Variants in PADI6 observed in about 807,000 individuals in gnomAD.
PADI6 encodes peptidyl arginine deiminase 6.
PADI6 carries 66 observed loss-of-function variants against 78.2 expected under a neutral mutation model. The ratio of observed to expected loss-of-function variants is 0.84; its 90% CI spans 0.69 to 1.04. PADI6 has a LOEUF of 1.04. Ranked by LOEUF, PADI6 falls within the 50% of genes least tolerant of loss-of-function variation. The probability of loss-of-function intolerance (pLI) is 0.00; values close to 1 mark genes in which losing one functional copy is unlikely to be tolerated. For synonymous variants in PADI6, 397 were observed against 346.9 expected (o/e 1.14, Z -1.60); for missense variants, 854 against 866.1 (o/e 0.99, Z 0.18).
chr1:17,394,116 T>A, intron 10 of PADI6, 34 bp downstream of exon 10: 1 of 1,594,396 alleles, frequency 6.3e-7, no homozygotes, highest in African/African-American at 1.3e-5. Context: ...CTGAGCTCAG[T>A]CCAATCTCTC....
rs763141031 is a variant in PADI6 at position 17,382,069 on chromosome 1, A to C, written c.656A>C (p.Lys219Thr). Reference sequence around the variant, plus strand: ...CATACCTCCAAGGAAGAGTCGAAGAAGGCGAGAGTCTACTGGCCCCAAAGT... The same window carrying C: ...CATACCTCCAAGGAAGAGTCGAAGACGGCGAGAGTCTACTGGCCCCAAAGT... The part of the protein sequence containing the change: ...VLHTSKEESK[K>T]ARVYWPQKDN... Residue 219 changes from lysine to threonine, a missense_variant, in exon 6 of 16, where the codon AAG becomes ACG. Coordinates refer to ENST00000619609, the MANE Select transcript of PADI6 (RefSeq NM_207421.4). The C allele has an allele frequency of 6.2e-7, 1 of 1,613,986 alleles. No homozygotes were observed. The highest frequency in any genetic ancestry group is 2.2e-5 in the East Asian group (1 of 44,886).
rs1432225155 is a variant in PADI6, at chr1:17,372,269, C to T, written c.24C>T (p.Ala8=). 1.9e-6 allele frequency: 3 copies of T among 1,613,882 alleles called. No individual in the cohort carries two copies. The highest frequency in any genetic ancestry group is 1.1e-5 in the South Asian group (1 of 91,092). Reference sequence around the variant, plus strand: ...GGATGGTCAGCGTGGAGGGCCGAGCCATGTCCTTCCAGAGTATCATCCACC... The same window carrying T: ...GGATGGTCAGCGTGGAGGGCCGAGCTATGTCCTTCCAGAGTATCATCCACC... MVSVEGR[A]MSFQSIIHLS... Residue 8 remains alanine, a synonymous_variant, in exon 1 of 16, where the codon GCC becomes GCT. Transcript: ENST00000619609.
chr1:17,383,074 C>T (rs2075088462), intron 6 of PADI6, among the ~76,000 whole-genome samples: 1 of 152,238 alleles, frequency 6.6e-6, no homozygotes, highest in Non-Finnish European at 1.5e-5. Flanking sequence ...TGAGCTACTG[C>T]ACCCGGCCCA....
chr1:17,383,674 C>A (rs1184363662), intron 6 of PADI6, among the ~76,000 whole-genome samples: 1 of 151,640 alleles, frequency 6.6e-6, no homozygotes, highest in Non-Finnish European at 1.5e-5. Context: ...ATGGCGAAAC[C>A]CTGTCTCTAC....
At chr1:17,375,611 T>C (rs1255702065) in intron 3 of PADI6, 112 bp downstream of exon 3, 5 of 931,860 alleles carry the variant, frequency 5.4e-6, no homozygotes, top group Non-Finnish European at 8.1e-6. Flanking sequence ...AGATGCCTCC[T>C]GTGGGCCCCA....
intron 2 of PADI6, among the ~76,000 whole-genome samples, chr1:17,374,709 A>G (rs1019447597): frequency 6.6e-6 from 1 of 152,334 alleles, no homozygotes; most frequent in Non-Finnish European, 1.5e-5. Context: ...TTCTCTGCCC[A>G]GGGCTCGGCC....
At chr1:17,377,508 C>T (rs1225114679) in intron 3 of PADI6, among the ~76,000 whole-genome samples, 1 of 152,206 alleles carries the variant, frequency 6.6e-6, no homozygotes, top group Non-Finnish European at 1.5e-5. Flanking sequence ...TGGATATTGC[C>T]TACCCAGCAT....
intron 15 of PADI6, among the ~76,000 whole-genome samples, chr1:17,399,736 AAG>A (rs1491031108): frequency 1.3e-3 from 192 of 148,968 alleles, no homozygotes; most frequent in African/African-American, 4.2e-3. Flanking sequence ...CTTTAAAAAA[AAG>A]AAAAAAAAAA....
intron 2 of PADI6, 119 bp from the exon 3 acceptor site, chr1:17,375,308 T>G: frequency 7.7e-6 from 7 of 913,526 alleles, no homozygotes; most frequent in Non-Finnish European, 1.2e-5. Context: ...TAGGTGAGAC[T>G]TCAGAAGCCA....
intron 3 of PADI6, 66 bp from the exon 4 acceptor site, chr1:17,379,854 A>G (rs1048202801): frequency 1.4e-6 from 2 of 1,432,094 alleles, no homozygotes; most frequent in East Asian, 4.6e-5. Context: ...ACAGGAGATA[A>G]CCTATAACTT....
At chr1:17,400,271 T>G (rs1173882518) in intron 15 of PADI6, among the ~76,000 whole-genome samples, 1 of 151,622 alleles carries the variant, frequency 6.6e-6, no homozygotes, top group African/African-American at 2.4e-5. Context: ...CCCAGCACTT[T>G]GGGAGGCCCA....
intron 3 of PADI6, among the ~76,000 whole-genome samples, chr1:17,377,877 T>G (rs190551090): frequency 6.6e-6 from 1 of 152,332 alleles, no homozygotes; most frequent in Admixed American, 6.5e-5. Flanking sequence ...AAGTGGAATA[T>G]TGGAATAACG....
chr1:17,388,652 G>T, intron 7 of PADI6, 93 bp downstream of exon 7: 1 of 1,462,028 alleles, frequency 6.8e-7, no homozygotes, highest in Non-Finnish European at 9.3e-7. Context: ...AGGTTTGCTG[G>T]GGGAGAGCTG....
At chr1:17,387,753 A>G (rs896653000) in intron 6 of PADI6, among the ~76,000 whole-genome samples, 1 of 152,144 alleles carries the variant, frequency 6.6e-6, no homozygotes, top group Non-Finnish European at 1.5e-5. Flanking sequence ...TCCCTCTCAA[A>G]AACACCTTTA....
intron 8 of PADI6, among the ~76,000 whole-genome samples, chr1:17,391,500 G>A (rs551206882): frequency 2.0e-4 from 30 of 152,298 alleles, no homozygotes; most frequent in South Asian, 1.0e-3. Flanking sequence ...GATTACAGGC[G>A]TGCGCCACTG....
In PADI6 at chr1:17,375,408, C is replaced by A. The variant is rs765568067; in HGVS notation, c.295-19C>A. 6.2e-7 allele frequency: 1 copy of A among 1,605,582 alleles called. No individual in the cohort carries two copies. ...TCCCGTCCAACACTGCCTATGGTTT[C>A]GGGATGCTGTCTCCACAGGTCTCGG... On this transcript the variant is annotated intron_variant, in intron 2 of 15. Coordinates refer to ENST00000619609, the MANE Select transcript of PADI6 (RefSeq NM_207421.4).
At chr1:17,395,778 C>T in intron 13 of PADI6, 115 bp downstream of exon 13, 1 of 1,357,120 alleles carries the variant, frequency 7.4e-7, no homozygotes, top group Non-Finnish European at 9.8e-7. Context: ...AGCACAGAAG[C>T]TGTTGGAATT....
chr1:17,375,539 C>G, intron 3 of PADI6, 40 bp downstream of exon 3: 1 of 1,535,624 alleles, frequency 6.5e-7, no homozygotes, highest in Non-Finnish European at 8.9e-7. Flanking sequence ...GCCCAACTCA[C>G]CGCTGGGGTT....
intron 3 of PADI6, 43 bp from the exon 4 acceptor site, chr1:17,379,877 T>C (rs1312146029): frequency 4.0e-5 from 63 of 1,578,250 alleles, no homozygotes; most frequent in Non-Finnish European, 5.2e-5. Context: ...AGGTTCCATC[T>C]GGCAGGTCAA....
Sources: gnomAD v4.1 joint callset for allele counts (sites outside exome capture counted in the v4.1 genomes callset) on GRCh38, gnomAD v4.1.1 for gene constraint, MANE v1.5 for transcripts, NCBI Gene and HGNC (gene_info 2026-07-23, HGNC 2026-07-21) for gene names.